Variants in ETV6 observed in about 807,000 individuals in gnomAD.
The protein encoded by ETV6 is transcription factor ETV6.
Under a neutral mutation model 51.1 loss-of-function variants are expected in ETV6, and 16 were observed. The observed-to-expected ratio is 0.31, with a 90% CI of 0.21 to 0.48. The LOEUF (loss-of-function observed/expected upper bound fraction) is 0.48, where lower values mean the gene tolerates loss of function less well. Ranked by LOEUF, ETV6 falls within the 20% of genes least tolerant of loss-of-function variation. The pLI is 0.99. For missense variants in ETV6, 458 were observed against 594.8 expected (o/e 0.77, Z 2.39); for synonymous variants, 240 against 224.1 (o/e 1.07, Z -0.64).
intron 2 of ETV6, among the ~76,000 whole-genome samples, chr12:11,788,754 TGG>T (rs771710896): frequency 1.4e-5 from 2 of 142,114 alleles, no homozygotes; most frequent in African/African-American, 5.5e-5. Context: ...GTGCTTGTAT[TGG>T]TTTTTTTTTT....
intron 4 of ETV6, among the ~76,000 whole-genome samples, chr12:11,868,644 G>T (rs192467136): frequency 2.0e-5 from 3 of 151,542 alleles, no homozygotes; most frequent in African/African-American, 7.3e-5. Flanking sequence ...CAGCATCTAA[G>T]ATATAGTTAT....
At chr12:11,845,520 A>G (rs1325470595) in intron 3 of ETV6, among the ~76,000 whole-genome samples, 1 of 152,200 alleles carries the variant, frequency 6.6e-6, no homozygotes, top group Non-Finnish European at 1.5e-5. Flanking sequence ...AAATTTTCCC[A>G]CAACCTGTTC....
intron 7 of ETV6, among the ~76,000 whole-genome samples, chr12:11,890,582 C>T (rs7954739): frequency 0.12 from 17,271 of 146,680 alleles, 1,079 homozygotes; most frequent in Middle Eastern, 0.22. Context: ...TGCACACCAC[C>T]GTACCCAGAT....
At chr12:11,790,096 AC>A (rs1945558288) in intron 2 of ETV6, among the ~76,000 whole-genome samples, 1 of 43,768 alleles carries the variant, frequency 2.3e-5, no homozygotes, top group African/African-American at 7.9e-5. Flanking sequence ...TTTTGTCAGC[AC>A]TTCTTTTTTT....
At chr12:11,864,594 C>T (rs1946765980) in intron 4 of ETV6, among the ~76,000 whole-genome samples, 1 of 152,112 alleles carries the variant, frequency 6.6e-6, no homozygotes, top group Non-Finnish European at 1.5e-5. Flanking sequence ...GCAGAATTGA[C>T]ATCCATATTA....
At chr12:11,750,303 T>C in intron 1 of ETV6, among the ~76,000 whole-genome samples, 1 of 152,186 alleles carries the variant, frequency 6.6e-6, no homozygotes, top group East Asian at 1.9e-4. Context: ...GCCAGACTCT[T>C]TTGTCAGCTG....
At position 11,733,590 on chromosome 12, in the gene ETV6, A is replaced by C. The variant is rs1351070857; in HGVS notation, c.34-18860A>C. Reference sequence around the variant, plus strand: ...GTAAGTGCACTGTGAGTGGGTGCTGATGAAATATCACAACAGGTTCTCATT... The same window carrying C: ...GTAAGTGCACTGTGAGTGGGTGCTGCTGAAATATCACAACAGGTTCTCATT... On this transcript the variant is annotated intron_variant, in intron 1 of 7. Transcript: ENST00000396373. Among the ~76,000 whole-genome samples, 2 of 152,232 alleles carry C rather than the reference A, an allele frequency of 1.3e-5. 1 individual carries two copies. Among genetic ancestry groups the C allele is most frequent in the Admixed American group, 1.3e-4 (2 of 15,290 alleles).
intron 1 of ETV6, among the ~76,000 whole-genome samples, chr12:11,716,330 C>CAAAAAAAAAAAAAA (rs3049068): frequency 1.7e-5 from 1 of 58,094 alleles, no homozygotes; most frequent in African/African-American, 6.3e-5. Flanking sequence ...GACTCCTTCT[C>CAAAAAAAAAAAAAA]AAAAAAAAAA....
At chr12:11,816,965 C>A (rs1946002889) in intron 2 of ETV6, among the ~76,000 whole-genome samples, 1 of 152,190 alleles carries the variant, frequency 6.6e-6, no homozygotes, top group African/African-American at 2.4e-5. Context: ...CATGCCATTA[C>A]CATAGTGGGC....
intron 1 of ETV6, among the ~76,000 whole-genome samples, chr12:11,720,032 C>G (rs935054111): frequency 6.6e-6 from 1 of 152,180 alleles, no homozygotes; most frequent in Non-Finnish European, 1.5e-5. Flanking sequence ...TGGTCTCCCA[C>G]GAATCAGAAG....
intron 2 of ETV6, among the ~76,000 whole-genome samples, chr12:11,792,239 G>A (rs1455862481): frequency 1.3e-5 from 2 of 152,280 alleles, no homozygotes; most frequent in East Asian, 3.9e-4. Context: ...ATTTTACCTG[G>A]ATAGGAGGAT....
At chr12:11,663,623 G>A (rs1864141314) in intron 1 of ETV6, among the ~76,000 whole-genome samples, 1 of 152,200 alleles carries the variant, frequency 6.6e-6, no homozygotes, top group Admixed American at 6.5e-5. Flanking sequence ...GCTATGAACG[G>A]ATTGTTAAAC....
At chr12:11,789,293 A>T (rs530301744) in intron 2 of ETV6, among the ~76,000 whole-genome samples, 1 of 152,138 alleles carries the variant, frequency 6.6e-6, no homozygotes, top group East Asian at 1.9e-4. Context: ...CAGCCTCCCA[A>T]AGTGCTGGGA....
At chr12:11,819,896 C>T (rs983710621) in intron 2 of ETV6, among the ~76,000 whole-genome samples, 28 of 152,176 alleles carry the variant, frequency 1.8e-4, no homozygotes, top group Non-Finnish European at 2.5e-4. Flanking sequence ...AAACAATATC[C>T]GATTATGTTA....
rs201545799 is a variant in ETV6 at position 11,892,030 on chromosome 12, C to A, written c.*984C>A. Reference sequence around the variant, plus strand: ...GCTTGGGATTAGCTTGGGAGCGCAGCGCTGCAAAGTGGAAAATATGAAAAG... The same window carrying A: ...GCTTGGGATTAGCTTGGGAGCGCAGAGCTGCAAAGTGGAAAATATGAAAAG... On this transcript the variant is annotated 3_prime_UTR_variant, in exon 8 of 8. Transcript: ENST00000396373. The A allele has an allele frequency of 4.3e-6, 1 of 233,940 alleles. No homozygotes were observed. Among genetic ancestry groups the A allele is most frequent in the Non-Finnish European group, 8.4e-6 (1 of 118,586 alleles). 14.5% of individuals were successfully genotyped at this position (233,940 alleles called of 1,614,324 possible).
chr12:11,817,955 C>T (rs1946017447), intron 2 of ETV6, among the ~76,000 whole-genome samples: 1 of 152,124 alleles, frequency 6.6e-6, no homozygotes, highest in Non-Finnish European at 1.5e-5. Flanking sequence ...AGTTTCAGGC[C>T]TTAAAGGAGA....
intron 1 of ETV6, among the ~76,000 whole-genome samples, chr12:11,735,109 T>TC (rs1865678652): frequency 6.9e-6 from 1 of 145,816 alleles, no homozygotes. Context: ...TTTTTTTTTT[T>TC]TTTACTAATA....
chr12:11,812,701 C>A (rs1253719777), intron 2 of ETV6, among the ~76,000 whole-genome samples: 1 of 152,180 alleles, frequency 6.6e-6, no homozygotes, highest in Non-Finnish European at 1.5e-5. Flanking sequence ...GCTAAGTACA[C>A]ATTCCTAGGA....
intron 1 of ETV6, among the ~76,000 whole-genome samples, chr12:11,748,329 A>G (rs925744079): frequency 2.0e-5 from 3 of 152,240 alleles, no homozygotes; most frequent in Admixed American, 6.5e-5. Context: ...TTTCCAGGAA[A>G]AGTTTCTATA....
Sources: allele counts gnomAD v4.1 joint callset (sites outside exome capture counted in the v4.1 genomes callset), GRCh38; gene constraint gnomAD v4.1.1; transcripts MANE v1.5; gene names NCBI Gene and HGNC (gene_info 2026-07-23, HGNC 2026-07-21).